The following DHRSX variants were observed in gnomAD, a reference collection of about 807,000 sequenced individuals.
DHRSX encodes dehydrogenase/reductase X-linked, also known as polyprenol dehydrogenase.
In DHRSX, 31 loss-of-function variants were observed where a neutral mutation model predicts 34.0. The observed-to-expected ratio is 0.91, with a 90% CI of 0.69 to 1.23. The LOEUF (loss-of-function observed/expected upper bound fraction) is 1.23. Among genes scored for constraint, DHRSX ranks in the 50% most tolerant of loss-of-function variants. The probability of loss-of-function intolerance (pLI) is 0.00; values close to 1 mark genes in which losing one functional copy is unlikely to be tolerated. For missense variants in DHRSX, 414 were observed against 428.1 expected, an observed-to-expected ratio of 0.97 and a Z score of 0.29; for synonymous variants, 201 against 183.8, an observed-to-expected ratio of 1.09 and a Z score of -0.76.
intron 4 of DHRSX, among the ~76,000 whole-genome samples, chrX:2,271,446 C>G (rs1010542377): frequency 3.9e-5 from 6 of 152,218 alleles, no homozygotes; most frequent in African/African-American, 1.4e-4. Flanking sequence ...GCAGACTGTT[C>G]AGGTGCAGTC....
intron 6 of DHRSX, among the ~76,000 whole-genome samples, chrX:2,230,927 A>G (rs368931715): frequency 3.0e-4 from 46 of 152,308 alleles, no homozygotes; most frequent in African/African-American, 1.0e-3. Flanking sequence ...TGCGACTAAT[A>G]CAAAATTGAA....
chrX:2,464,652 C>T (rs1326465505), intron 1 of DHRSX, among the ~76,000 whole-genome samples: 2 of 151,958 alleles, frequency 1.3e-5, no homozygotes, highest in Non-Finnish European at 2.9e-5. Context: ...TAAGGGAAGG[C>T]AGCCATGTAC....
intron 5 of DHRSX, among the ~76,000 whole-genome samples, chrX:2,252,190 C>A (rs112175709): frequency 2.6e-5 from 4 of 151,826 alleles, no homozygotes; most frequent in Non-Finnish European, 4.4e-5. Flanking sequence ...TGAGCTGATA[C>A]CACGCCATTG....
chrX:2,385,262 T>C (rs2043258926), intron 3 of DHRSX, among the ~76,000 whole-genome samples: 1 of 152,068 alleles, frequency 6.6e-6, no homozygotes, highest in African/African-American at 2.4e-5. Context: ...ACACTGGAAA[T>C]TCACATTTGA....
chrX:2,489,560 T>A, intron 1 of DHRSX: 3 of 1,612,658 alleles, frequency 1.9e-6, no homozygotes, highest in Non-Finnish European at 2.5e-6. Context: ...CTCGCTGGCC[T>A]CCAGCATGAG....
In DHRSX at chrX:2,371,099, G is replaced by T. The variant is rs189639277; in HGVS notation, c.286+37646C>A. ...AGTCCCTCCTCCTCTTGTTACAATAGTTCCTCCCCTATTACCATAATCCCT... is the reference window on the plus strand; with the variant it reads ...AGTCCCTCCTCCTCTTGTTACAATATTTCCTCCCCTATTACCATAATCCCT... On this transcript the variant is annotated intron_variant, in intron 3 of 6. Coordinates refer to ENST00000334651, the MANE Select transcript of DHRSX (RefSeq NM_145177.3). Among the ~76,000 whole-genome samples, 751 of 151,666 alleles carry T rather than the reference G, an allele frequency of 5.0e-3. 13 individuals carry two copies. The highest frequency in any genetic ancestry group is 0.017 in the African/African-American group (710 of 41,324).
At chrX:2,353,306 C>A (rs1355229385) in intron 3 of DHRSX, among the ~76,000 whole-genome samples, 1 of 152,076 alleles carries the variant, frequency 6.6e-6, no homozygotes, top group Non-Finnish European at 1.5e-5. Flanking sequence ...TAGAAGAAAC[C>A]TTCAACCCCC....
intron 6 of DHRSX, among the ~76,000 whole-genome samples, chrX:2,231,713 T>A (rs866685615): frequency 1.4e-5 from 2 of 142,388 alleles, no homozygotes; most frequent in African/African-American, 3.0e-5. Context: ...TCTATTCCTC[T>A]TTTTTTCTCC....
At chrX:2,344,440 G>A (rs778722584) in intron 3 of DHRSX, among the ~76,000 whole-genome samples, 8 of 152,084 alleles carry the variant, frequency 5.3e-5, no homozygotes, top group Non-Finnish European at 8.8e-5. Flanking sequence ...ACAGTGTGGC[G>A]ATTCCTCAAG....
rs765060449 is a variant in DHRSX, at chrX:2,282,896, G to A, written c.388+8606C>T. On this transcript the variant is annotated intron_variant, in intron 4 of 6. Transcript: ENST00000334651. ...GGGGGAGAGAGGGAGGGAGGAGGGA[G>A]AAGGGAGGTCGAGAGCAAAATAGTA... 5.0e-4 allele frequency among the ~76,000 whole-genome samples: 75 copies of A among 150,030 alleles called. No homozygotes were observed. In the South Asian group the frequency reaches 5.5e-3, roughly 11 times the overall value.
rs745732449 is a variant in DHRSX, at chrX:2,239,925, C to CT, written c.804+3097dup. Among the ~76,000 whole-genome samples the CT allele has an allele frequency of 1.6e-3, 248 of 152,272 alleles. 1 individual carries two copies. The highest frequency in any genetic ancestry group is 5.7e-3 in the African/African-American group (236 of 41,554). On this transcript the variant is annotated intron_variant, in intron 6 of 6. Coordinates refer to ENST00000334651, the MANE Select transcript of DHRSX (RefSeq NM_145177.3). ...GAATACTTAGTGCTTAATAAAATAACTAATATTTTGAAATTCCTTTGCTTG... is the reference window on the plus strand; with the variant it reads ...GAATACTTAGTGCTTAATAAAATAACTTAATATTTTGAAATTCCTTTGCTTG...
In DHRSX at chrX:2,311,025, C is replaced by T. The variant is rs2042158164; in HGVS notation, c.287-19422G>A. ...GTAGTGAGCCGAGATCACTCCATTG[C>T]ACCCCAGACTGAATGAGAAGAACAA... On this transcript the variant is annotated intron_variant, in intron 3 of 6. Coordinates refer to ENST00000334651, the MANE Select transcript of DHRSX (RefSeq NM_145177.3). Among the ~76,000 whole-genome samples, 5 of 148,218 alleles carry T rather than the reference C, an allele frequency of 3.4e-5. No homozygotes were observed. In the Admixed American group the frequency reaches 3.4e-4, roughly 10 times the overall value.
chrX:2,487,999 C>G (rs945154174), intron 1 of DHRSX: 7 of 151,854 alleles, frequency 4.6e-5, no homozygotes, highest in African/African-American at 1.7e-4. Context: ...CTTCTAAACC[C>G]TCCCAGGGAG....
At chrX:2,491,506 A>AC (rs760013139) in intron 1 of DHRSX, among the ~76,000 whole-genome samples, 3 of 151,908 alleles carry the variant, frequency 2.0e-5, no homozygotes, top group Admixed American at 6.6e-5. Flanking sequence ...GGCCAGGCAG[A>AC]CCCCCCACTG....
chrX:2,277,478 C>G (rs1390998191), intron 4 of DHRSX, among the ~76,000 whole-genome samples: 60 of 37,428 alleles, frequency 1.6e-3, no homozygotes, highest in Non-Finnish European at 3.4e-3. Flanking sequence ...GGAGGGCAAA[C>G]GAGAGAGGGA....
chrX:2,485,265 TAA>T (rs112904448), intron 1 of DHRSX, among the ~76,000 whole-genome samples: 1,681 of 152,182 alleles, frequency 0.011, 30 homozygotes, highest in African/African-American at 0.037. Flanking sequence ...ATGTCCCACT[TAA>T]ATGAACATCA....
intron 1 of DHRSX, among the ~76,000 whole-genome samples, chrX:2,479,845 G>C (rs1020252323): frequency 9.2e-5 from 14 of 152,116 alleles, no homozygotes; most frequent in Admixed American, 7.2e-4. Flanking sequence ...CATTCCCTAA[G>C]AATGTGGCTA....
intron 3 of DHRSX, among the ~76,000 whole-genome samples, chrX:2,320,153 T>A (rs772722808): frequency 2.6e-5 from 4 of 151,942 alleles, no homozygotes; most frequent in African/African-American, 9.6e-5. Context: ...TTGTGCCACG[T>A]GATAAATATA....
At chrX:2,429,089 C>T (rs1384139502) in intron 1 of DHRSX, among the ~76,000 whole-genome samples, 1 of 152,142 alleles carries the variant, frequency 6.6e-6, no homozygotes, top group Non-Finnish European at 1.5e-5. Flanking sequence ...TTTCCATATG[C>T]TTAGGTTTTC....
Sources: allele counts gnomAD v4.1 joint callset (sites outside exome capture counted in the v4.1 genomes callset), GRCh38; gene constraint gnomAD v4.1.1; transcripts MANE v1.5; gene names NCBI Gene and HGNC (gene_info 2026-07-23, HGNC 2026-07-21).